The following KCTD8 variants were observed in gnomAD, a reference collection of about 807,000 sequenced individuals.
The protein encoded by KCTD8 is potassium channel tetramerization domain containing 8, also known as BTB/POZ domain-containing protein KCTD8.
KCTD8 carries 27 observed loss-of-function variants against 31.5 expected under a neutral mutation model. The observed-to-expected ratio is 0.86, with a 90% confidence interval of 0.63 to 1.18. The LOEUF (loss-of-function observed/expected upper bound fraction) is 1.18, where lower values mean the gene tolerates loss of function less well. Among genes scored for constraint, KCTD8 ranks in the 50% most tolerant of loss-of-function variants. The pLI, the probability that KCTD8 is intolerant of heterozygous loss-of-function variation, is 0.00. For missense variants in KCTD8, 658 were observed against 647.7 expected (o/e 1.02, Z -0.17); for synonymous variants, 290 against 280.0 (o/e 1.04, Z -0.36).
chr4:44,285,415 C>T (rs576129782), intron 1 of KCTD8, among the ~76,000 whole-genome samples: 26 of 151,632 alleles, frequency 1.7e-4, no homozygotes, highest in Non-Finnish European at 3.5e-4. Flanking sequence ...AAGTGGGAGT[C>T]GAACAACAAG....
At chr4:44,383,081 T>C (rs1429385732) in intron 1 of KCTD8, among the ~76,000 whole-genome samples, 2 of 148,766 alleles carry the variant, frequency 1.3e-5, no homozygotes, top group Non-Finnish European at 3.0e-5. Flanking sequence ...CAAAATAAAA[T>C]ACCTAGAATA....
intron 1 of KCTD8, among the ~76,000 whole-genome samples, chr4:44,435,809 A>G (rs1050249979): frequency 2.0e-5 from 3 of 151,998 alleles, no homozygotes; most frequent in Non-Finnish European, 2.9e-5. Context: ...GGTGGCTACA[A>G]ACCAAATTTC....
At chr4:44,230,158 G>A (rs747104128) in intron 1 of KCTD8, among the ~76,000 whole-genome samples, 2 of 152,066 alleles carry the variant, frequency 1.3e-5, no homozygotes, top group African/African-American at 2.4e-5. Flanking sequence ...AGACCTGTAC[G>A]GATTCACCGC....
At chr4:44,206,668 C>A (rs1714320248) in intron 1 of KCTD8, among the ~76,000 whole-genome samples, 2 of 152,136 alleles carry the variant, frequency 1.3e-5, no homozygotes, top group Non-Finnish European at 2.9e-5. Context: ...TCTCTGCATA[C>A]CCCAATGAGA....
At chr4:44,330,691 TCTATAAACTACCAAAAAGGTTG>T (rs1718571106) in intron 1 of KCTD8, among the ~76,000 whole-genome samples, 1 of 151,930 alleles carries the variant, frequency 6.6e-6, no homozygotes, top group Non-Finnish European at 1.5e-5. Context: ...GGTGAATATG[TCTATAAACTACCAAAAAGGTTG>T]CTATAAAAAT....
At chr4:44,253,991 G>A (rs1020457734) in intron 1 of KCTD8, among the ~76,000 whole-genome samples, 38 of 151,684 alleles carry the variant, frequency 2.5e-4, no homozygotes, top group African/African-American at 9.2e-4. Context: ...ATTTTATTAG[G>A]GACAGTAAAA....
intron 1 of KCTD8, among the ~76,000 whole-genome samples, chr4:44,395,682 T>C (rs750278633): frequency 3.9e-5 from 6 of 152,096 alleles, no homozygotes; most frequent in Non-Finnish European, 8.8e-5. Flanking sequence ...CTTGAGTGTA[T>C]ACATTTACCT....
At chr4:44,399,811 G>C (rs971997383) in intron 1 of KCTD8, among the ~76,000 whole-genome samples, 3 of 152,214 alleles carry the variant, frequency 2.0e-5, no homozygotes, top group Non-Finnish European at 4.4e-5. Flanking sequence ...TTAAGTGGGA[G>C]TATGTTTCCC....
intron 1 of KCTD8, among the ~76,000 whole-genome samples, chr4:44,394,640 G>A (rs925271487): frequency 6.6e-6 from 1 of 151,862 alleles, no homozygotes; most frequent in African/African-American, 2.4e-5. Flanking sequence ...ATTCAAATCG[G>A]ATAATTTGAC....
intron 1 of KCTD8, among the ~76,000 whole-genome samples, chr4:44,443,972 A>C (rs1368539796): frequency 6.6e-6 from 1 of 152,178 alleles, no homozygotes; most frequent in Non-Finnish European, 1.5e-5. Context: ...CCCCCAAGAA[A>C]GGACAATCCA....
chr4:44,258,105 C>A (rs1407101041), intron 1 of KCTD8, among the ~76,000 whole-genome samples: 1 of 151,892 alleles, frequency 6.6e-6, no homozygotes, highest in Non-Finnish European at 1.5e-5. Context: ...AAATAAGATA[C>A]TATTAGGAAA....
intron 1 of KCTD8, among the ~76,000 whole-genome samples, chr4:44,186,613 C>T (rs1003655441): frequency 6.6e-6 from 1 of 152,180 alleles, no homozygotes; most frequent in South Asian, 2.1e-4. Context: ...GCTGTGGGGA[C>T]GGAGCCCACA....
chr4:44,327,396 G>C (rs527240881), intron 1 of KCTD8, among the ~76,000 whole-genome samples: 1 of 151,758 alleles, frequency 6.6e-6, no homozygotes, highest in Non-Finnish European at 1.5e-5. Flanking sequence ...TGTAATTATA[G>C]TTCTCTCCTT....
intron 1 of KCTD8, among the ~76,000 whole-genome samples, chr4:44,330,769 G>T (rs1300673483): frequency 6.6e-6 from 1 of 151,836 alleles, no homozygotes; most frequent in Non-Finnish European, 1.5e-5. Flanking sequence ...AGTAAAAGTA[G>T]GTACTCAATT....
intron 1 of KCTD8, among the ~76,000 whole-genome samples, chr4:44,419,566 C>G (rs548468572): frequency 2.0e-5 from 3 of 152,184 alleles, no homozygotes; most frequent in Non-Finnish European, 4.4e-5. Flanking sequence ...ATGGATGAAG[C>G]TGGAAACCAT....
intron 1 of KCTD8, among the ~76,000 whole-genome samples, chr4:44,404,053 C>A (rs2109458732): frequency 6.6e-6 from 1 of 152,208 alleles, no homozygotes; most frequent in Middle Eastern, 3.4e-3. Flanking sequence ...ACCTACAAAA[C>A]CGAGACCCAA....
intron 1 of KCTD8, among the ~76,000 whole-genome samples, chr4:44,268,471 TG>T (rs1329432428): frequency 3.3e-5 from 5 of 152,158 alleles, no homozygotes; most frequent in African/African-American, 1.2e-4. Flanking sequence ...GCATTCCCTT[TG>T]AAAACTGGCA....
chr4:44,302,444 A>T (rs1407922382), intron 1 of KCTD8, among the ~76,000 whole-genome samples: 1 of 152,024 alleles, frequency 6.6e-6, no homozygotes, highest in African/African-American at 2.4e-5. Context: ...GTCCCTTTTA[A>T]GTTGGATTCC....
chr4:44,197,048 C>A (rs2109337511), intron 1 of KCTD8, among the ~76,000 whole-genome samples: 1 of 152,296 alleles, frequency 6.6e-6, no homozygotes, highest in South Asian at 2.1e-4. Flanking sequence ...AGTGACCCTA[C>A]CCCTGCCTGA....
Sources: gnomAD v4.1 joint callset for allele counts (sites outside exome capture counted in the v4.1 genomes callset) on GRCh38, gnomAD v4.1.1 for gene constraint, MANE v1.5 for transcripts, NCBI Gene and HGNC (gene_info 2026-07-23, HGNC 2026-07-21) for gene names.